CSMD2: variants seen among roughly 807,000 people sequenced by gnomAD.
CSMD2 encodes CUB and sushi domain-containing protein 2.
A neutral mutation model predicts 398.5 loss-of-function variants in CSMD2; 130 were observed. The ratio of observed to expected loss-of-function variants is 0.33; its 90% confidence interval spans 0.28 to 0.38. CSMD2 has a LOEUF of 0.38. Ranked by LOEUF, CSMD2 falls within the 10% of genes least tolerant of loss-of-function variation. The pLI is 1.00. For missense variants in CSMD2, 3,829 were observed against 4,764.9 expected (o/e 0.80, Z 5.78); for synonymous variants, 1,828 against 1,908.5 (o/e 0.96, Z 1.10).
At chr1:33,916,789 C>T (rs1643744016) in intron 5 of CSMD2, among the ~76,000 whole-genome samples, 1 of 152,154 alleles carries the variant, frequency 6.6e-6, no homozygotes, top group Non-Finnish European at 1.5e-5. Flanking sequence ...ACACTTGGCT[C>T]CTACCATGGG....
At chr1:34,081,374 C>G (rs145714273) in intron 2 of CSMD2, among the ~76,000 whole-genome samples, 1 of 152,138 alleles carries the variant, frequency 6.6e-6, no homozygotes, top group African/African-American at 2.4e-5. Context: ...GGTTCCAGGT[C>G]AATAAAAGGC....
chr1:33,991,715 G>A (rs1646559100), intron 3 of CSMD2, among the ~76,000 whole-genome samples: 1 of 152,156 alleles, frequency 6.6e-6, no homozygotes, highest in Non-Finnish European at 1.5e-5. Context: ...TAGGCAGAGG[G>A]ACCTTGGGCA....
chr1:33,608,350 G>A (rs1640770565), intron 41 of CSMD2, among the ~76,000 whole-genome samples: 1 of 152,202 alleles, frequency 6.6e-6, no homozygotes, highest in Non-Finnish European at 1.5e-5. Flanking sequence ...TGAAGGCACA[G>A]TGCACGGGGT....
intron 4 of CSMD2, among the ~76,000 whole-genome samples, chr1:33,932,283 T>G (rs1644337215): frequency 6.6e-6 from 1 of 151,214 alleles, no homozygotes; most frequent in South Asian, 2.1e-4. Context: ...GATTGGAGAG[T>G]TGCCCCCTAG....
At chr1:33,606,089 TGA>T in intron 41 of CSMD2, 1 of 1,467,068 alleles carries the variant, frequency 6.8e-7, no homozygotes, top group Non-Finnish European at 9.0e-7. Context: ...GCTGTTTCCA[TGA>T]GAGTGGGTGG....
rs1183076640 is a variant in CSMD2, at chr1:34,163,673, C to G, written c.187+1238G>C. Among the ~76,000 whole-genome samples, 1 of 152,048 alleles carries G rather than the reference C, an allele frequency of 6.6e-6. No homozygotes were observed. Among genetic ancestry groups the G allele is most frequent in the Non-Finnish European group, 1.5e-5 (1 of 67,988 alleles). ...AAACAAAACAAAACAAAAACAAAAA[C>G]AAAAAAGAAAACACGGCTCCAGGTC... On this transcript the variant is annotated intron_variant, in intron 1 of 70. Coordinates refer to ENST00000373381, the MANE Select transcript of CSMD2 (RefSeq NM_001281956.2). This position sits in a 1 kb window ranked among gnomAD's most constrained non-coding sequence, Gnocchi z 5.4.
chr1:33,738,484 T>C (rs563756981), intron 15 of CSMD2, among the ~76,000 whole-genome samples: 4 of 152,324 alleles, frequency 2.6e-5, no homozygotes, highest in African/African-American at 9.6e-5. Context: ...AAGCTTTATC[T>C]GTATTTTAAA....
chr1:33,776,738 C>A (rs1296863671), intron 12 of CSMD2, among the ~76,000 whole-genome samples: 1 of 151,338 alleles, frequency 6.6e-6, no homozygotes, highest in South Asian at 2.1e-4. Flanking sequence ...AGGAGCTGAA[C>A]ATGTTGTTAA....
intron 5 of CSMD2, among the ~76,000 whole-genome samples, chr1:33,910,918 T>C (rs1204262894): frequency 6.6e-6 from 1 of 152,194 alleles, no homozygotes; most frequent in Non-Finnish European, 1.5e-5. Context: ...TGGAGGTGGG[T>C]TTCTATTTCT....
intron 2 of CSMD2, among the ~76,000 whole-genome samples, chr1:34,075,792 T>C (rs1215230898): frequency 6.6e-6 from 1 of 152,180 alleles, no homozygotes; most frequent in African/African-American, 2.4e-5. Flanking sequence ...GGAGAGGCCA[T>C]CTAATTGTGC....
At chr1:34,012,292 CT>C (rs903310223) in intron 3 of CSMD2, among the ~76,000 whole-genome samples, 69 of 151,918 alleles carry the variant, frequency 4.5e-4, no homozygotes, top group South Asian at 1.0e-3. Context: ...TCTTTCACCT[CT>C]TCACACAAAT....
chr1:33,849,083 C>T (rs1638513136), intron 5 of CSMD2, among the ~76,000 whole-genome samples: 1 of 152,208 alleles, frequency 6.6e-6, no homozygotes, highest in Non-Finnish European at 1.5e-5. Context: ...CCCATTTCTC[C>T]CACACATTTA....
chr1:33,567,701 G>C lies in CSMD2; in HGVS notation c.8272C>G (p.Arg2758Gly). 2 of 1,614,106 alleles carry C rather than the reference G, an allele frequency of 1.2e-6. No individual in the cohort carries two copies. Among genetic ancestry groups the C allele is most frequent in the Non-Finnish European group, 1.7e-6 (2 of 1,180,016 alleles). Reference sequence around the variant, plus strand: ...TTGCATTGGTACACCACACTGCCCCGGTAGCTGTAGTTCTCCCCATTGATG... The same window carrying C: ...TTGCATTGGTACACCACACTGCCCCCGTAGCTGTAGTTCTCCCCATTGATG... Reference protein sequence around the residue: ...GHINGENYSYRGSVVYQCNAG... With the variant: ...GHINGENYSYGGSVVYQCNAG... Residue 2758 changes from arginine to glycine, a missense_variant, in exon 53 of 71, where the codon CGG (arginine) becomes GGG (glycine). By Grantham distance (125) the Arg-to-Gly change is moderately radical (BLOSUM62 -2). This residue lies in a region of CSMD2 where 917 missense variants were observed against 1,199.5 expected (regional missense o/e 0.76). Coordinates refer to ENST00000373381, the MANE Select transcript of CSMD2 (RefSeq NM_001281956.2).
chr1:33,988,610 C>T (rs778751505), intron 3 of CSMD2, among the ~76,000 whole-genome samples: 2 of 152,162 alleles, frequency 1.3e-5, no homozygotes, highest in African/African-American at 4.8e-5. Context: ...GGCTAAGCCA[C>T]GGTCTCCATG....
chr1:34,019,103 G>GC (rs1266164956), intron 3 of CSMD2, among the ~76,000 whole-genome samples: 4 of 152,122 alleles, frequency 2.6e-5, no homozygotes, highest in Non-Finnish European at 4.4e-5. Context: ...TAATAATAGG[G>GC]CCTACCTCAA....
intron 1 of CSMD2, among the ~76,000 whole-genome samples, chr1:34,137,546 C>T (rs1638876147): frequency 6.6e-6 from 1 of 152,160 alleles, no homozygotes; most frequent in South Asian, 2.1e-4. Flanking sequence ...TAACTATGCT[C>T]CCTTCCCTCC....
At chr1:33,743,665 G>T (rs572070808) in intron 13 of CSMD2, 59 bp from the exon 14 acceptor site, 1 of 1,228,006 alleles carries the variant, frequency 8.1e-7, no homozygotes, top group Non-Finnish European at 1.1e-6. Flanking sequence ...CTGCACCACT[G>T]AGGGCTGGCA....
chr1:33,550,376 A>G (rs780196057), intron 55 of CSMD2, 26 bp from the exon 56 acceptor site: 5 of 1,606,528 alleles, frequency 3.1e-6, no homozygotes, highest in South Asian at 1.1e-5. Context: ...AAACATCTCA[A>G]TGACTCTGCA....
intron 44 of CSMD2, among the ~76,000 whole-genome samples, chr1:33,597,266 C>T (rs954335997): frequency 6.6e-6 from 1 of 152,156 alleles, no homozygotes; most frequent in African/African-American, 2.4e-5. Context: ...GCAAGTCTAG[C>T]TCCTTTTTTT....
Sources: gnomAD v4.1 joint callset for allele counts (sites outside exome capture counted in the v4.1 genomes callset) on GRCh38, gnomAD v4.1.1 for gene constraint, gnomAD v4.1.1 regional missense constraint, Gnocchi (gnomAD v3.1) non-coding constraint, MANE v1.5 for transcripts, NCBI Gene and HGNC (gene_info 2026-07-23, HGNC 2026-07-21) for gene names.